Variants in GNA14 observed in about 807,000 individuals in gnomAD.
GNA14 encodes guanine nucleotide-binding protein subunit alpha-14.
GNA14 carries 50 observed loss-of-function variants against 42.0 expected under a neutral mutation model. That is an observed-to-expected ratio of 1.19 (90% CI 0.95 to 1.51). The LOEUF (loss-of-function observed/expected upper bound fraction) is 1.51, where lower values mean the gene tolerates loss of function less well. Among genes scored for constraint, GNA14 ranks in the 40% most tolerant of loss-of-function variants. The pLI is 0.00. For synonymous variants in GNA14, 173 were observed against 163.1 expected (o/e 1.06, Z -0.46); for missense variants, 473 against 446.2 (o/e 1.06, Z -0.54).
intron 2 of GNA14, among the ~76,000 whole-genome samples, chr9:77,453,334 T>A (rs1835947749): frequency 6.6e-6 from 1 of 152,184 alleles, no homozygotes; most frequent in Non-Finnish European, 1.5e-5. Flanking sequence ...CTACTCTTTA[T>A]AAATTACCCA....
chr9:77,618,581 AATATATATATAT>A (rs1181899033), intron 1 of GNA14, among the ~76,000 whole-genome samples: 508 of 42,488 alleles, frequency 0.012, 11 homozygotes, highest in East Asian at 0.023. Flanking sequence ...ATTACATTTG[AATATATATATAT>A]ATATATATAT....
In GNA14 at chr9:77,641,195, G is replaced by A. The variant is rs186768965; in HGVS notation, c.124+6475C>T. 4.2e-4 allele frequency among the ~76,000 whole-genome samples: 63 copies of A among 149,318 alleles called. 1 individual carries two copies. The East Asian group carries it at 0.011, about 27-fold the overall frequency. ...AAGGAAGGGCAAAGGTAAGGCTGTT[G>A]CAGTAGAATGTCAAATGCCAACTGG... On this transcript the variant is annotated intron_variant, in intron 1 of 6. Coordinates refer to ENST00000341700, the MANE Select transcript of GNA14 (RefSeq NM_004297.4).
At chr9:77,491,879 A>G (rs376144431) in intron 2 of GNA14, among the ~76,000 whole-genome samples, 1 of 152,230 alleles carries the variant, frequency 6.6e-6, no homozygotes, top group African/African-American at 2.4e-5. Context: ...TCATCAGCAA[A>G]TGGAACATTT....
chr9:77,492,455 A>G (rs1248076421), intron 2 of GNA14, among the ~76,000 whole-genome samples: 1 of 152,064 alleles, frequency 6.6e-6, no homozygotes, highest in African/African-American at 2.4e-5. Flanking sequence ...ATGCAAATAA[A>G]TAAAATCTGA....
intron 1 of GNA14, among the ~76,000 whole-genome samples, chr9:77,627,847 T>G (rs1258628414): frequency 6.6e-6 from 1 of 151,982 alleles, no homozygotes; most frequent in Non-Finnish European, 1.5e-5. Flanking sequence ...AAGGATACCC[T>G]CTCTCACCAC....
intron 1 of GNA14, among the ~76,000 whole-genome samples, chr9:77,590,948 C>A (rs1486434074): frequency 1.3e-5 from 2 of 152,228 alleles, no homozygotes; most frequent in East Asian, 3.9e-4. Context: ...ATAAATAATA[C>A]AACAGACCTC....
intron 2 of GNA14, among the ~76,000 whole-genome samples, chr9:77,490,475 T>C (rs549222510): frequency 2.0e-5 from 3 of 152,196 alleles, no homozygotes; most frequent in African/African-American, 4.8e-5. Context: ...CAGGAACCCA[T>C]GGAGGCAAGG....
At chr9:77,548,036 T>A (rs1254659081) in intron 1 of GNA14, among the ~76,000 whole-genome samples, 1 of 152,206 alleles carries the variant, frequency 6.6e-6, no homozygotes, top group Non-Finnish European at 1.5e-5. Flanking sequence ...GTGAACTTAG[T>A]GGCATTTCTA....
intron 1 of GNA14, among the ~76,000 whole-genome samples, chr9:77,562,718 G>T (rs1822902232): frequency 6.6e-6 from 1 of 152,288 alleles, no homozygotes; most frequent in South Asian, 2.1e-4. Context: ...CAACCTTCTT[G>T]ATATGATAAC....
intron 2 of GNA14, among the ~76,000 whole-genome samples, chr9:77,482,843 G>C (rs1282856907): frequency 3.9e-5 from 6 of 151,964 alleles, no homozygotes. Context: ...CCAATTGATT[G>C]CATCAGCTCC....
intron 2 of GNA14, among the ~76,000 whole-genome samples, chr9:77,472,220 G>A (rs965660604): frequency 1.2e-4 from 19 of 152,150 alleles, no homozygotes; most frequent in African/African-American, 4.3e-4. Flanking sequence ...GAAAATGGAC[G>A]ACAGCATATC....
chr9:77,622,365 G>T (rs1823940978), intron 1 of GNA14, among the ~76,000 whole-genome samples: 1 of 152,160 alleles, frequency 6.6e-6, no homozygotes, highest in Non-Finnish European at 1.5e-5. Flanking sequence ...GCAGCTAAAA[G>T]AACTTAGAAA....
At chr9:77,471,432 T>G (rs1836328370) in intron 2 of GNA14, among the ~76,000 whole-genome samples, 1 of 151,996 alleles carries the variant, frequency 6.6e-6, no homozygotes, top group Non-Finnish European at 1.5e-5. Context: ...CTGGGAAGTG[T>G]GAGCAAATTT....
intron 1 of GNA14, among the ~76,000 whole-genome samples, chr9:77,631,467 TAAA>T (rs59294268): frequency 0.22 from 27,379 of 123,440 alleles, 2,947 homozygotes; most frequent in African/African-American, 0.29. Context: ...ACTTTTTATG[TAAA>T]AAAAAAAAAA....
intron 1 of GNA14, among the ~76,000 whole-genome samples, chr9:77,563,488 G>A (rs115028036): frequency 2.2e-4 from 34 of 152,292 alleles, no homozygotes; most frequent in African/African-American, 7.7e-4. Flanking sequence ...ATGGAGAAAT[G>A]TAAGAGAACT....
intron 2 of GNA14, among the ~76,000 whole-genome samples, chr9:77,505,097 A>G (rs1425170898): frequency 6.6e-6 from 1 of 152,216 alleles, no homozygotes; most frequent in Non-Finnish European, 1.5e-5. Context: ...TGATGAATAA[A>G]TAACCCATAT....
At chr9:77,437,559 A>C (rs2131694486) in intron 2 of GNA14, among the ~76,000 whole-genome samples, 1 of 151,588 alleles carries the variant, frequency 6.6e-6, no homozygotes, top group South Asian at 2.1e-4. Flanking sequence ...AAAGAGAGAG[A>C]GAAAGAGAGA....
intron 1 of GNA14, among the ~76,000 whole-genome samples, chr9:77,530,456 T>C (rs987288170): frequency 1.3e-5 from 2 of 152,218 alleles, no homozygotes; most frequent in African/African-American, 4.8e-5. Flanking sequence ...CGTGAGCCAA[T>C]TCAACCTCTT....
At chr9:77,569,674 T>A (rs572469865) in intron 1 of GNA14, among the ~76,000 whole-genome samples, 46 of 152,222 alleles carry the variant, frequency 3.0e-4, no homozygotes, top group African/African-American at 9.4e-4. Context: ...CCGGGTTCAA[T>A]ATTTCAGGGG....
Sources: gnomAD v4.1 joint callset for allele counts (sites outside exome capture counted in the v4.1 genomes callset) on GRCh38, gnomAD v4.1.1 for gene constraint, MANE v1.5 for transcripts, NCBI Gene and HGNC (gene_info 2026-07-23, HGNC 2026-07-21) for gene names.